ARFGEF3: variants seen among roughly 807,000 people sequenced by gnomAD.
ARFGEF3 encodes brefeldin A-inhibited guanine nucleotide-exchange protein 3.
Under a neutral mutation model 221.7 loss-of-function variants are expected in ARFGEF3, and 96 were observed. The observed-to-expected ratio is 0.43, with a 90% CI of 0.37 to 0.51. The LOEUF is 0.51. Ranked by LOEUF, ARFGEF3 falls within the 20% of genes least tolerant of loss-of-function variation. The probability of loss-of-function intolerance (pLI) is 0.00; values close to 1 mark genes in which losing one functional copy is unlikely to be tolerated. For missense variants in ARFGEF3, 2,410 were observed against 2,789.9 expected (o/e 0.86, Z 3.07); for synonymous variants, 1,145 against 1,126.8 (o/e 1.02, Z -0.32).
chr6:138,330,069 CA>C (rs751471630), intron 32 of ARFGEF3, among the ~76,000 whole-genome samples: 2 of 152,108 alleles, frequency 1.3e-5, no homozygotes, highest in African/African-American at 4.8e-5. Context: ...AGGAATTTCA[CA>C]AGATAATGTC....
intron 22 of ARFGEF3, 107 bp from the exon 23 acceptor site, chr6:138,307,146 C>T (rs1167369330): frequency 5.1e-6 from 6 of 1,183,936 alleles, no homozygotes; most frequent in Non-Finnish European, 7.2e-6. Context: ...TTCCTTTTCA[C>T]TAAAATTAAC....
chr6:138,298,933 C>T (rs755577973), intron 22 of ARFGEF3, 148 bp downstream of exon 22: 92 of 658,610 alleles, frequency 1.4e-4, no homozygotes, highest in Non-Finnish European at 2.1e-4. Context: ...GGCGTGGTGG[C>T]TCACACCTGT....
chr6:138,186,796 A>G (rs1777193160), intron 2 of ARFGEF3, among the ~76,000 whole-genome samples: 2 of 152,148 alleles, frequency 1.3e-5, no homozygotes, highest in African/African-American at 4.8e-5. Context: ...GAGCCAGGAT[A>G]AAAGAAAAGG....
intron 2 of ARFGEF3, among the ~76,000 whole-genome samples, chr6:138,191,224 A>G (rs1456514058): frequency 4.6e-5 from 7 of 152,126 alleles, no homozygotes; most frequent in Admixed American, 4.6e-4. Flanking sequence ...CTGATAATTC[A>G]TAGTAGTTAG....
At position 138,285,995 on chromosome 6, in the gene ARFGEF3, G is replaced by A. The variant is rs746747906; in HGVS notation, c.2511G>A (p.Ser837=). Residue 837 remains serine (S), a synonymous_variant, in exon 15 of 34, where the codon TCG becomes TCA. Coordinates refer to ENST00000251691, the MANE Select transcript of ARFGEF3 (RefSeq NM_020340.5). ...CCATTGGTGGCCAGCTGATGGCCTC[G>A]GCTGCTACAGAGTCTCCTTTCGCCC... The part of the protein sequence containing the change: ...SSAIGGQLMA[S]AATESPFAQS... 1.3e-4 allele frequency: 205 copies of A among 1,610,944 alleles called. 1 individual carries two copies. The highest frequency in any genetic ancestry group is 2.4e-4 in the East Asian group (11 of 44,898).
chr6:138,284,695 T>C lies in ARFGEF3; in HGVS notation c.2462-1251T>C, dbSNP rs114981348. Among the ~76,000 whole-genome samples, 1,353 of 152,338 alleles carry C rather than the reference T, an allele frequency of 8.9e-3. 14 individuals carry two copies. The highest frequency in any genetic ancestry group is 0.029 in the South Asian group (141 of 4,830). On this transcript the variant is annotated intron_variant, in intron 14 of 33. Transcript: ENST00000251691. ...AGAGGCCTGGATGGGAGTCAGAAGA[T>C]ATGAATACTAATTATTTCTGTCATC... is the stretch of plus-strand genomic sequence containing the variant.
chr6:138,252,768 A>T (rs2114572714), intron 8 of ARFGEF3, among the ~76,000 whole-genome samples: 1 of 152,340 alleles, frequency 6.6e-6, no homozygotes, highest in South Asian at 2.1e-4. Flanking sequence ...CCCATCCCAC[A>T]TTACTGAGTG....
chr6:138,234,260 G>A lies in ARFGEF3; in HGVS notation c.421-4249G>A, dbSNP rs1195031940. On this transcript the variant is annotated intron_variant, in intron 5 of 33. Transcript: ENST00000251691. ...GGTGCACGAATCGATGGGTTAAGGT[G>A]TCTTAAGCCATTTTAATATGCCAAC... Among the ~76,000 whole-genome samples the A allele has an allele frequency of 2.0e-5, 3 of 152,196 alleles. No individual in the cohort carries two copies. The East Asian group carries it at 5.8e-4, about 29-fold the overall frequency.
intron 5 of ARFGEF3, among the ~76,000 whole-genome samples, chr6:138,232,398 G>A (rs893845955): frequency 3.3e-5 from 5 of 152,126 alleles, no homozygotes; most frequent in African/African-American, 7.2e-5. Flanking sequence ...CCAGCTACTC[G>A]GGAGGCTGAG....
intron 5 of ARFGEF3, among the ~76,000 whole-genome samples, chr6:138,233,978 T>G (rs1333915164): frequency 1.3e-5 from 2 of 152,170 alleles, no homozygotes; most frequent in Non-Finnish European, 2.9e-5. Context: ...CTGAAACCCT[T>G]TCTTTCCTGT....
In ARFGEF3 at chr6:138,291,754, C is replaced by T. The variant is rs757049187; in HGVS notation, c.3069C>T (p.Thr1023=). The change falls in exon 19 of 34, where the codon ACC becomes ACT. Residue 1023 remains threonine (T), a synonymous_variant. Coordinates refer to ENST00000251691, the MANE Select transcript of ARFGEF3 (RefSeq NM_020340.5). This position sits in a 1 kb window ranked among gnomAD's most constrained non-coding sequence, Gnocchi z 4.5. ...HVFRVCEYVG[T]LEHNHFSDGA... is the part of the protein sequence containing the mutation. ...CTAGGGTGTGTGAATACGTGGGCACCCTGGAGCACAACCACTTCAGCGATG... is the reference window on the plus strand; with the variant it reads ...CTAGGGTGTGTGAATACGTGGGCACTCTGGAGCACAACCACTTCAGCGATG... 5 of 1,432,144 alleles carry T rather than the reference C, an allele frequency of 3.5e-6. No homozygotes were observed. The highest frequency in any genetic ancestry group is 1.5e-5 in the African/African-American group (1 of 67,342). The allele number at this position is 1,432,144 out of a possible 1,614,324, so 88.7% of individuals were successfully genotyped here. A position where few individuals can be genotyped will look rare whatever the true frequency, so the allele number is the denominator to read the frequency against.
intron 12 of ARFGEF3, among the ~76,000 whole-genome samples, chr6:138,273,209 G>A (rs1277354443): frequency 6.6e-6 from 1 of 151,960 alleles, no homozygotes; most frequent in African/African-American, 2.4e-5. Flanking sequence ...AGAGAAGCGG[G>A]GACTACTGTT....
rs771611575 is a variant in ARFGEF3 at position 138,307,238 on chromosome 6, C to T, written c.3829-15C>T. ...AGGAGAGGGCTTTAAGTGCCACTTG[C>T]TTTGCCTCTACCAGGTTGTCACATC... On this transcript the variant is annotated splice_polypyrimidine_tract_variant and intron_variant, in intron 22 of 33. Coordinates refer to ENST00000251691, the MANE Select transcript of ARFGEF3 (RefSeq NM_020340.5). 6 of 1,611,694 alleles carry T rather than the reference C, an allele frequency of 3.7e-6. No homozygotes were observed. In the Admixed American group the frequency reaches 1.0e-4, roughly 27 times the overall value.
intron 31 of ARFGEF3, among the ~76,000 whole-genome samples, chr6:138,326,356 G>A (rs995708084): frequency 6.6e-6 from 1 of 152,206 alleles, no homozygotes; most frequent in African/African-American, 2.4e-5. Flanking sequence ...GCCAAGGCAG[G>A]AGGATTGCTT....
chr6:138,316,597 A>G (rs1779930076), intron 26 of ARFGEF3, among the ~76,000 whole-genome samples: 1 of 152,218 alleles, frequency 6.6e-6, no homozygotes, highest in Non-Finnish European at 1.5e-5. Context: ...TCCTCAACAT[A>G]GCATTTCATC....
At chr6:138,305,102 C>T (rs1292436507) in intron 22 of ARFGEF3, among the ~76,000 whole-genome samples, 1 of 149,072 alleles carries the variant, frequency 6.7e-6, no homozygotes, top group Admixed American at 6.6e-5. Flanking sequence ...CCCACAATAA[C>T]CCAAGCCCTG....
intron 2 of ARFGEF3, among the ~76,000 whole-genome samples, chr6:138,180,956 A>G (rs1220184230): frequency 1.3e-5 from 2 of 152,238 alleles, no homozygotes; most frequent in Admixed American, 6.5e-5. Flanking sequence ...CTGCTGCCAT[A>G]GAAGACAAAG....
chr6:138,245,076 T>C (rs1301671986), intron 7 of ARFGEF3, among the ~76,000 whole-genome samples: 2 of 152,082 alleles, frequency 1.3e-5, no homozygotes, highest in Non-Finnish European at 2.9e-5. Context: ...CCGAGGTGGG[T>C]GGATCACCTG....
chr6:138,228,134 C>T (rs1778121917), intron 4 of ARFGEF3, among the ~76,000 whole-genome samples: 1 of 151,962 alleles, frequency 6.6e-6, no homozygotes, highest in Non-Finnish European at 1.5e-5. Context: ...GCAGTTGCTA[C>T]CCAATCCCTT....
Sources: allele counts gnomAD v4.1 joint callset (sites outside exome capture counted in the v4.1 genomes callset), GRCh38; gene constraint gnomAD v4.1.1; non-coding constraint Gnocchi (gnomAD v3.1); transcripts MANE v1.5; gene names NCBI Gene and HGNC (gene_info 2026-07-23, HGNC 2026-07-21).